The following MYLK variants were observed in gnomAD, a reference collection of about 807,000 sequenced individuals.
MYLK encodes the protein myosin light chain kinase, also known as myosin light chain kinase, smooth muscle.
MYLK carries 106 observed loss-of-function variants against 203.4 expected under a neutral mutation model. That is an observed-to-expected ratio of 0.52 (90% CI 0.45 to 0.61). MYLK has a LOEUF of 0.61. Ranked by LOEUF, MYLK falls within the 20% of genes least tolerant of loss-of-function variation. The pLI, the probability that MYLK is intolerant of heterozygous loss-of-function variation, is 0.00. For missense variants in MYLK, 2,072 were observed against 2,442.3 expected (o/e 0.85, Z 3.20); for synonymous variants, 867 against 959.5 (o/e 0.90, Z 1.78).
intron 13 of MYLK, among the ~76,000 whole-genome samples, chr3:123,719,850 C>T (rs959028110): frequency 1.4e-4 from 21 of 152,182 alleles, no homozygotes; most frequent in African/African-American, 4.8e-4. Flanking sequence ...AGGCTTGTCC[C>T]GAGGATCCAG....
At chr3:123,825,229 C>T (rs1259484318) in intron 3 of MYLK, among the ~76,000 whole-genome samples, 1 of 151,704 alleles carries the variant, frequency 6.6e-6, no homozygotes, top group East Asian at 1.9e-4. Context: ...ATGGAGGAAA[C>T]TACAGGTTAC....
intron 2 of MYLK, among the ~76,000 whole-genome samples, chr3:123,864,058 C>A (rs2032137281): frequency 6.6e-6 from 1 of 152,140 alleles, no homozygotes; most frequent in African/African-American, 2.4e-5. Context: ...ATGGATAAAT[C>A]TCAAAAACAG....
intron 7 of MYLK, among the ~76,000 whole-genome samples, chr3:123,738,670 A>G (rs111597442): frequency 0.029 from 4,342 of 152,284 alleles, 77 homozygotes; most frequent in Non-Finnish European, 0.042. Flanking sequence ...ATGGTTTTAT[A>G]AAGAGGAGTT....
chr3:123,748,257 C>T (rs1250448625), intron 5 of MYLK, among the ~76,000 whole-genome samples: 3 of 152,218 alleles, frequency 2.0e-5, no homozygotes, highest in African/African-American at 7.2e-5. Flanking sequence ...AGAATTCACA[C>T]ATCACCAAGG....
intron 3 of MYLK, chr3:123,814,109 C>A: frequency 3.1e-6 from 1 of 327,628 alleles, no homozygotes. Context: ...CCTGCCCTGC[C>A]TGTGTAGGCA....
At chr3:123,756,389 T>C (rs1217067398) in intron 4 of MYLK, among the ~76,000 whole-genome samples, 8 of 152,134 alleles carry the variant, frequency 5.3e-5, no homozygotes, top group African/African-American at 9.7e-5. Flanking sequence ...GCCAGGTGTG[T>C]ACCTAAGACA....
chr3:123,667,458 G>T (rs920021470), intron 20 of MYLK, among the ~76,000 whole-genome samples: 1 of 152,026 alleles, frequency 6.6e-6, no homozygotes, highest in South Asian at 2.1e-4. Context: ...AAAAAAATTA[G>T]CTGGGCATGG....
chr3:123,843,904 T>C (rs1398508750), intron 2 of MYLK, among the ~76,000 whole-genome samples: 1 of 152,164 alleles, frequency 6.6e-6, no homozygotes, highest in Non-Finnish European at 1.5e-5. Flanking sequence ...GTGAGAGGGC[T>C]TATCCCTTCA....
intron 3 of MYLK, among the ~76,000 whole-genome samples, chr3:123,830,728 C>A (rs1403282771): frequency 6.6e-6 from 1 of 152,094 alleles, no homozygotes; most frequent in Non-Finnish European, 1.5e-5. Flanking sequence ...TAGCTGAGGA[C>A]CCCTGAAGTA....
chr3:123,715,403 G>C lies in MYLK; in HGVS notation c.1805-5510C>G, dbSNP rs184651402. Among the ~76,000 whole-genome samples, 57 of 152,330 alleles carry C rather than the reference G, an allele frequency of 3.7e-4. No homozygotes were observed. In the South Asian group the frequency reaches 0.011, roughly 30 times the overall value. ...AGTGAATTCGGAAGTGTCAAGTGGA[G>C]TTGTTGTGAGAATTAAATAAAACAA... On this transcript the variant is annotated intron_variant, in intron 13 of 33. Transcript: ENST00000360304.
At chr3:123,837,704 C>G (rs2066507667) in intron 2 of MYLK, among the ~76,000 whole-genome samples, 1 of 151,688 alleles carries the variant, frequency 6.6e-6, no homozygotes, top group African/African-American at 2.4e-5. Context: ...ACAGTCACTC[C>G]CCATATCCTA....
intron 4 of MYLK, among the ~76,000 whole-genome samples, chr3:123,761,450 C>T (rs1215619505): frequency 1.3e-5 from 2 of 152,180 alleles, no homozygotes; most frequent in Non-Finnish European, 2.9e-5. Flanking sequence ...CGGAGTGGAG[C>T]AGGTGGGGCT....
chr3:123,715,517 T>A (rs986532214), intron 13 of MYLK, among the ~76,000 whole-genome samples: 2 of 152,248 alleles, frequency 1.3e-5, no homozygotes, highest in Admixed American at 1.3e-4. Context: ...AAACCTAATA[T>A]AAATTGATAC....
chr3:123,706,877 GA>G (rs2061480409), intron 16 of MYLK, among the ~76,000 whole-genome samples: 6 of 152,142 alleles, frequency 3.9e-5, no homozygotes, highest in Admixed American at 3.9e-4. Flanking sequence ...AAGTAATGGG[GA>G]AAGGTAGCCT....
chr3:123,850,290 C>T (rs2030609789), intron 2 of MYLK, among the ~76,000 whole-genome samples: 1 of 152,144 alleles, frequency 6.6e-6, no homozygotes, highest in Admixed American at 6.5e-5. Context: ...AATAGTATTT[C>T]TAATTCTAGA....
intron 4 of MYLK, among the ~76,000 whole-genome samples, chr3:123,788,963 T>C (rs2064658921): frequency 6.6e-6 from 1 of 152,144 alleles, no homozygotes; most frequent in South Asian, 2.1e-4. Flanking sequence ...CTGATAAGAA[T>C]AAATTCCAGG....
chr3:123,770,513 A>T (rs963091592), intron 4 of MYLK, among the ~76,000 whole-genome samples: 1 of 152,178 alleles, frequency 6.6e-6, no homozygotes, highest in Non-Finnish European at 1.5e-5. Flanking sequence ...CCACACAGGG[A>T]GTGGGCAGTC....
rs1357572409 is a variant in MYLK at position 123,734,030 on chromosome 3, C to T, written c.966G>A (p.Leu322=). 6.2e-7 allele frequency: 1 copy of T among 1,614,210 alleles called. No homozygotes were observed. Among genetic ancestry groups the T allele is most frequent in the Non-Finnish European group, 8.5e-7 (1 of 1,180,034 alleles). ...SQPQPPRESK[L]ESCKDSPRTA... The stretch of plus-strand genomic sequence containing the variant: ...TTCTGGGCGAGTCCTTGCATGACTC[C>T]AGCTTGGACTCCCTTGGGGGCTGAG... The change falls in exon 10 of 34, where the codon CTG becomes CTA. Residue 322 remains leucine (L), a synonymous_variant. Coordinates refer to ENST00000360304, the MANE Select transcript of MYLK (RefSeq NM_053025.4).
chr3:123,826,533 TGTCCGCATCCTGTCCTGA>T (rs1560267704), intron 3 of MYLK, among the ~76,000 whole-genome samples: 2 of 152,234 alleles, frequency 1.3e-5, no homozygotes, highest in Non-Finnish European at 1.5e-5. Flanking sequence ...AGTGGACTTC[TGTCCGCATCCTGTCCTGA>T]GTCTGAAAAG....
Sources: gnomAD v4.1 joint callset for allele counts (sites outside exome capture counted in the v4.1 genomes callset) on GRCh38, gnomAD v4.1.1 for gene constraint, MANE v1.5 for transcripts, NCBI Gene and HGNC (gene_info 2026-07-23, HGNC 2026-07-21) for gene names.